The following HAUS2 variants were observed in gnomAD, a reference collection of about 807,000 sequenced individuals.
HAUS2 encodes HAUS augmin-like complex subunit 2.
Under a neutral mutation model 21.6 loss-of-function variants are expected in HAUS2, and 20 were observed. That is an observed-to-expected ratio of 0.93 (90% CI 0.65 to 1.35). The LOEUF is 1.35. Among genes scored for constraint, HAUS2 ranks in the 40% most tolerant of loss-of-function variants. HAUS2 has a pLI of 0.00. For missense variants in HAUS2, 297 were observed against 280.7 expected (o/e 1.06, Z -0.42); for synonymous variants, 113 against 95.6 (o/e 1.18, Z -1.06).
Position 42,561,419 on chromosome 15 carries a change from G to A in HAUS2, c.389+17G>A. On this transcript the variant is annotated intron_variant, in intron 4 of 5. Coordinates refer to ENST00000260372, the MANE Select transcript of HAUS2 (RefSeq NM_018097.3). ...TTATCACAGGTTAGACTGAAAAGTA[G>A]AAATTAACAGTTACACCTGTTTTCT... is the stretch of plus-strand genomic sequence containing the variant. 1 of 1,561,624 alleles carries A rather than the reference G, an allele frequency of 6.4e-7. No homozygotes were observed. The highest frequency in any genetic ancestry group is 8.8e-7 in the Non-Finnish European group (1 of 1,134,140).
intron 4 of HAUS2, among the ~76,000 whole-genome samples, chr15:42,562,971 A>T (rs948085958): frequency 5.9e-5 from 9 of 151,960 alleles, no homozygotes; most frequent in Non-Finnish European, 8.8e-5. Context: ...AAATTAACTG[A>T]ATATAGTGGT....
rs768870098 is a variant in HAUS2, at chr15:42,566,877, G to A, written c.*61G>A. The A allele has an allele frequency of 3.1e-5, 24 of 772,556 alleles. No individual in the cohort carries two copies. Among genetic ancestry groups the A allele is most frequent in the Non-Finnish European group, 4.7e-5 (21 of 443,018 alleles). The allele number at this position is 772,556 out of a possible 1,614,324, so 47.9% of individuals were successfully genotyped here. A position where few individuals can be genotyped will look rare whatever the true frequency, so the allele number is the denominator to read the frequency against. Reference sequence around the variant, plus strand: ...ATATGAAGTCTATTTCTAGTTGACTGTAACATGGGTATTAATAGTCTTTGC... The same window carrying A: ...ATATGAAGTCTATTTCTAGTTGACTATAACATGGGTATTAATAGTCTTTGC... On this transcript the variant is annotated 3_prime_UTR_variant, in exon 6 of 6. Transcript: ENST00000260372.
intron 1 of HAUS2, among the ~76,000 whole-genome samples, chr15:42,553,827 A>G (rs186339262): frequency 1.3e-5 from 2 of 151,718 alleles, no homozygotes; most frequent in African/African-American, 4.9e-5. Flanking sequence ...TGTAGAAAAT[A>G]TTTTACTTTC....
Position 42,563,847 on chromosome 15 carries a change from TA to T in HAUS2, c.491del (p.Lys164ArgfsTer3). ...AATATTCCTCATTTAGCTGCAAATC[TA>T]AAGAAAATGGTGAGTATTAATATAG... ...IRNIPHLAAN[L>X]KKMNQALAKM... On this transcript the variant is annotated frameshift_variant, in exon 5 of 6. Transcript: ENST00000260372. LOFTEE classifies it high-confidence loss of function. 1 of 1,433,900 alleles carries T rather than the reference TA, an allele frequency of 7.0e-7. No individual in the cohort carries two copies. Among genetic ancestry groups the T allele is most frequent in the Non-Finnish European group, 9.8e-7 (1 of 1,024,730 alleles). The allele number at this position is 1,433,900 out of a possible 1,614,324, so 88.8% of individuals were successfully genotyped here.
chr15:42,551,504 A>G (rs1459971136), intron 1 of HAUS2, among the ~76,000 whole-genome samples: 1 of 151,926 alleles, frequency 6.6e-6, no homozygotes, highest in African/African-American at 2.4e-5. Context: ...AGCCGGGTAT[A>G]GTGGTAGGTG....
At chr15:42,556,191 A>AC (rs1233688561) in intron 1 of HAUS2, among the ~76,000 whole-genome samples, 1 of 137,862 alleles carries the variant, frequency 7.3e-6, no homozygotes, top group East Asian at 2.1e-4. Flanking sequence ...CAAACTCCTG[A>AC]CCTCAGGTAA....
At chr15:42,553,046 G>A (rs2057740708) in intron 1 of HAUS2, among the ~76,000 whole-genome samples, 1 of 150,820 alleles carries the variant, frequency 6.6e-6, no homozygotes, top group South Asian at 2.1e-4. Flanking sequence ...GAGTGCAATG[G>A]CACGATCTCA....
At chr15:42,560,500 T>C (rs2141601497) in intron 3 of HAUS2, among the ~76,000 whole-genome samples, 1 of 152,324 alleles carries the variant, frequency 6.6e-6, no homozygotes, top group African/African-American at 2.4e-5. Flanking sequence ...ACCAAGCTTT[T>C]TTTGAAACTT....
intron 1 of HAUS2, among the ~76,000 whole-genome samples, chr15:42,553,289 G>A (rs917399180): frequency 6.6e-6 from 1 of 152,054 alleles, no homozygotes; most frequent in African/African-American, 2.4e-5. Context: ...TAAGTATAAA[G>A]GTTCTGGATT....
In HAUS2 at chr15:42,549,570, T is replaced by C. The variant is rs1178028891; in HGVS notation, c.93+605T>C. Among the ~76,000 whole-genome samples, 5 of 151,592 alleles carry C rather than the reference T, an allele frequency of 3.3e-5. No homozygotes were observed. In the East Asian group the frequency reaches 9.7e-4, roughly 29 times the overall value. On this transcript the variant is annotated intron_variant, in intron 1 of 5. Transcript: ENST00000260372. Reference sequence around the variant, plus strand: ...CAAGCGATTCTCCTGCCTCAGCCTCTGGAGTAGCTGGGACTACAGGCGCCC... The same window carrying C: ...CAAGCGATTCTCCTGCCTCAGCCTCCGGAGTAGCTGGGACTACAGGCGCCC...
At chr15:42,557,329 T>TATATATAATATATATTTTATATATA (rs2057789883) in intron 1 of HAUS2, among the ~76,000 whole-genome samples, 3 of 86,148 alleles carry the variant, frequency 3.5e-5, no homozygotes, top group African/African-American at 1.3e-4. Context: ...ATATATATAT[T>TATATATAATATATATTTTATATATA]ATATATAATA....
In HAUS2 at chr15:42,569,479, G is replaced by A. The variant is rs1268590442; in HGVS notation, c.*2663G>A. On this transcript the variant is annotated 3_prime_UTR_variant, in exon 6 of 6. Coordinates refer to ENST00000260372, the MANE Select transcript of HAUS2 (RefSeq NM_018097.3). ...GCGCCACCACGCCTGGCTAATTTTT[G>A]TATTTTCTGTAGAGACAGAGTTTTG... is the stretch of plus-strand genomic sequence containing the variant. 1 of 151,642 alleles carries A rather than the reference G, an allele frequency of 6.6e-6. No individual in the cohort carries two copies. Among genetic ancestry groups the A allele is most frequent in the East Asian group, 1.9e-4 (1 of 5,174 alleles). The allele number at this position is 151,642 out of a possible 1,614,324, so 9.4% of individuals were successfully genotyped here. A position where few individuals can be genotyped will look rare whatever the true frequency, so the allele number is the denominator to read the frequency against.
At chr15:42,554,262 T>C (rs1202153716) in intron 1 of HAUS2, among the ~76,000 whole-genome samples, 2 of 152,188 alleles carry the variant, frequency 1.3e-5, no homozygotes, top group African/African-American at 2.4e-5. Flanking sequence ...TTCTTTATGT[T>C]AGCTAGTTAC....
At chr15:42,566,459 G>A in intron 5 of HAUS2, 148 bp from the exon 6 acceptor site, 1 of 608,330 alleles carries the variant, frequency 1.6e-6, no homozygotes, top group East Asian at 2.8e-5. Context: ...GGTTTGTACT[G>A]TAAGAAGTGG....
At chr15:42,551,995 T>C (rs2057730478) in intron 1 of HAUS2, among the ~76,000 whole-genome samples, 1 of 151,866 alleles carries the variant, frequency 6.6e-6, no homozygotes, top group Admixed American at 6.6e-5. Context: ...ACTTTATACA[T>C]AAAAACTTTT....
chr15:42,561,236 G>A, intron 3 of HAUS2, 34 bp from the exon 4 acceptor site: 1 of 1,339,610 alleles, frequency 7.5e-7, no homozygotes, highest in Non-Finnish European at 1.1e-6. Flanking sequence ...TTGTCCTATT[G>A]CTAACTATAA....
chr15:42,553,513 A>G (rs773662631), intron 1 of HAUS2, among the ~76,000 whole-genome samples: 6 of 151,790 alleles, frequency 4.0e-5, no homozygotes, highest in Non-Finnish European at 7.4e-5. Flanking sequence ...CTAAGTCTCA[A>G]TCCTCAAATA....
chr15:42,553,402 G>A (rs148065084), intron 1 of HAUS2, among the ~76,000 whole-genome samples: 113 of 152,080 alleles, frequency 7.4e-4, no homozygotes, highest in African/African-American at 1.5e-3. Context: ...GCCCTTTGGG[G>A]CATGTAATAG....
chr15:42,551,653 C>T (rs2057726778), intron 1 of HAUS2, among the ~76,000 whole-genome samples: 1 of 151,806 alleles, frequency 6.6e-6, no homozygotes, highest in Non-Finnish European at 1.5e-5. Flanking sequence ...AAAAAAACAA[C>T]CCCCCAACTT....
Sources: allele counts gnomAD v4.1 joint callset (sites outside exome capture counted in the v4.1 genomes callset), GRCh38; gene constraint gnomAD v4.1.1; transcripts MANE v1.5; gene names NCBI Gene and HGNC (gene_info 2026-07-23, HGNC 2026-07-21).